SOX6: variants seen among roughly 807,000 people sequenced by gnomAD.
The protein encoded by SOX6 is transcription factor SOX-6.
A neutral mutation model predicts 97.8 loss-of-function variants in SOX6; 11 were observed. The ratio of observed to expected loss-of-function variants is 0.11; its 90% CI spans 0.07 to 0.19. The LOEUF (loss-of-function observed/expected upper bound fraction) is 0.19, where lower values mean the gene tolerates loss of function less well. SOX6 is among the 10% of genes least tolerant of loss of function. The probability of loss-of-function intolerance (pLI) is 1.00; values close to 1 mark genes in which losing one functional copy is unlikely to be tolerated. For synonymous variants in SOX6, 360 were observed against 371.4 expected (o/e 0.97, Z 0.35); for missense variants, 810 against 1,039.5 (o/e 0.78, Z 3.04).
At chr11:16,362,731 A>G (rs1381802212) in intron 1 of SOX6, among the ~76,000 whole-genome samples, 1 of 152,144 alleles carries the variant, frequency 6.6e-6, no homozygotes, top group African/African-American at 2.4e-5. Context: ...GCCACAGAGT[A>G]AATAAAAACG....
chr11:16,391,924 A>ACC (rs1213852992), intron 1 of SOX6, among the ~76,000 whole-genome samples: 1 of 152,134 alleles, frequency 6.6e-6, no homozygotes, highest in Non-Finnish European at 1.5e-5. Flanking sequence ...CAATATTTAA[A>ACC]TACCTAAAAT....
At position 16,318,609 on chromosome 11, in the gene SOX6, A is replaced by G; in HGVS notation, c.282T>C (p.Asn94=). ...NKLCSLYSFR[N]TSTSPHKPDE... ...CAGGCTTATGTGGTGAGGTAGAGGT[A>G]TTTCGGAAGGAATATAGGGAACATA... The change falls in exon 3 of 16, where the codon AAT becomes AAC. Residue 94 remains asparagine, a synonymous_variant. Coordinates refer to ENST00000683767, the MANE Select transcript of SOX6 (RefSeq NM_001367873.1). The G allele has an allele frequency of 6.2e-7, 1 of 1,613,646 alleles. No individual in the cohort carries two copies. The highest frequency in any genetic ancestry group is 8.5e-7 in the Non-Finnish European group (1 of 1,179,704).
chr11:16,311,565 A>T (rs1855603555), intron 3 of SOX6: 1 of 152,130 alleles, frequency 6.6e-6, no homozygotes, highest in South Asian at 2.1e-4. Context: ...TGATCCTTAT[A>T]ACACTGTAAA....
At chr11:15,990,418 CAAAGAGCTGACTCTAGT>C (rs1854013394) in intron 13 of SOX6, among the ~76,000 whole-genome samples, 1 of 151,180 alleles carries the variant, frequency 6.6e-6, no homozygotes, top group South Asian at 2.1e-4. Context: ...ATATAATTTC[CAAAGAGCTGACTCTAGT>C]AACATACTAG....
rs1383407164 is a variant in SOX6, at chr11:15,968,156, G to C, written c.*4653C>G. On this transcript the variant is annotated 3_prime_UTR_variant, in exon 16 of 16. Transcript: ENST00000683767. ...ACATGTCAGGGAGCAGATGACTTAA[G>C]GAAATGATGCAAGTGCTTTTGTGAA... The C allele has an allele frequency of 6.6e-6, 1 of 152,178 alleles. No homozygotes were observed. The highest frequency in any genetic ancestry group is 1.5e-5 in the Non-Finnish European group (1 of 68,040). The allele number at this position is 152,178 out of a possible 1,614,324, so 9.4% of individuals were successfully genotyped here.
intron 12 of SOX6, among the ~76,000 whole-genome samples, chr11:16,016,151 G>C (rs1015572003): frequency 1.3e-5 from 2 of 152,152 alleles, no homozygotes; most frequent in East Asian, 3.9e-4. Flanking sequence ...TATTCTTAAA[G>C]AGCAAACATA....
chr11:16,280,708 G>C (rs1410059628), intron 3 of SOX6, among the ~76,000 whole-genome samples: 1 of 152,062 alleles, frequency 6.6e-6, no homozygotes, highest in Non-Finnish European at 1.5e-5. Context: ...AATGGCACCA[G>C]TAGTTAAAGA....
At chr11:16,485,001 C>A (rs1352279297) in intron 4 of SOX6, among the ~76,000 whole-genome samples, 2 of 152,028 alleles carry the variant, frequency 1.3e-5, no homozygotes, top group African/African-American at 2.4e-5. Context: ...AGGAAGAATA[C>A]CTTTACACTT....
At chr11:15,984,973 C>T (rs975939158) in intron 15 of SOX6, among the ~76,000 whole-genome samples, 3 of 152,136 alleles carry the variant, frequency 2.0e-5, no homozygotes, top group African/African-American at 7.2e-5. Context: ...TTTCATTTTA[C>T]ACATGAGAAA....
intron 1 of SOX6, among the ~76,000 whole-genome samples, chr11:16,370,365 T>G (rs568747377): frequency 1.2e-4 from 19 of 152,320 alleles, no homozygotes; most frequent in Non-Finnish European, 2.1e-4. Context: ...TAGACATGGC[T>G]ATATCTGGTA....
chr11:16,093,238 T>C (rs1848728956), intron 9 of SOX6, among the ~76,000 whole-genome samples: 1 of 151,978 alleles, frequency 6.6e-6, no homozygotes, highest in Non-Finnish European at 1.5e-5. Context: ...TGAGTATTCA[T>C]GCCTGCATCT....
intron 13 of SOX6, among the ~76,000 whole-genome samples, chr11:16,009,255 T>C (rs1854643275): frequency 6.6e-6 from 1 of 152,120 alleles, no homozygotes; most frequent in African/African-American, 2.4e-5. Context: ...TATTATACTC[T>C]AGTTGCCTTG....
chr11:16,278,666 T>G (rs1279217945), intron 3 of SOX6, among the ~76,000 whole-genome samples: 1 of 151,754 alleles, frequency 6.6e-6, no homozygotes, highest in Non-Finnish European at 1.5e-5. Context: ...AATTAGATAG[T>G]GAAAGAAAAC....
chr11:15,998,597 A>G (rs940859729), intron 13 of SOX6, among the ~76,000 whole-genome samples: 4 of 151,936 alleles, frequency 2.6e-5, no homozygotes, highest in African/African-American at 9.7e-5. Context: ...ATGAAAAATA[A>G]AGCAGTAGGA....
intron 5 of SOX6, 139 bp from the exon 6 acceptor site, chr11:16,184,093 A>G (rs759057589): frequency 6.4e-6 from 5 of 775,408 alleles, no homozygotes; most frequent in Non-Finnish European, 1.1e-5. Flanking sequence ...GAGAGGCCAA[A>G]TCAGAAAGAT....
chr11:16,222,446 G>A (rs1288260227), intron 4 of SOX6, among the ~76,000 whole-genome samples: 1 of 151,960 alleles, frequency 6.6e-6, no homozygotes, highest in Non-Finnish European at 1.5e-5. Context: ...ACTCCTATCT[G>A]CAAGCATTCC....
At chr11:16,090,973 T>C (rs1256186414) in intron 9 of SOX6, among the ~76,000 whole-genome samples, 1 of 152,086 alleles carries the variant, frequency 6.6e-6, no homozygotes, top group Non-Finnish European at 1.5e-5. Context: ...CCTGAGAATG[T>C]ATATTATGCT....
At chr11:16,183,615 C>T (rs1008043905) in intron 6 of SOX6, among the ~76,000 whole-genome samples, 3 of 151,912 alleles carry the variant, frequency 2.0e-5, no homozygotes, top group Non-Finnish European at 2.9e-5. Flanking sequence ...CCTGGGAGAC[C>T]ATTAGGTTCC....
intron 3 of SOX6, among the ~76,000 whole-genome samples, chr11:16,291,937 T>C (rs1854930256): frequency 1.3e-5 from 2 of 152,128 alleles, no homozygotes; most frequent in South Asian, 4.1e-4. Flanking sequence ...GTCTGTGACC[T>C]TATCATCCAG....
Sources: allele counts gnomAD v4.1 joint callset (sites outside exome capture counted in the v4.1 genomes callset), GRCh38; gene constraint gnomAD v4.1.1; transcripts MANE v1.5; gene names NCBI Gene and HGNC (gene_info 2026-07-23, HGNC 2026-07-21).